The following SCNN1B variants were observed in gnomAD, a reference collection of about 807,000 sequenced individuals.
SCNN1B encodes the protein sodium channel epithelial 1 subunit beta.
A neutral mutation model predicts 65.3 loss-of-function variants in SCNN1B; 46 were observed. The ratio of observed to expected loss-of-function variants is 0.70; its 90% CI spans 0.56 to 0.90. The LOEUF is 0.90. SCNN1B is among the 40% of genes least tolerant of loss of function. The pLI, the probability that SCNN1B is intolerant of heterozygous loss-of-function variation, is 0.00. For missense variants in SCNN1B, 751 were observed against 830.5 expected (o/e 0.90, Z 1.18); for synonymous variants, 349 against 330.6 (o/e 1.06, Z -0.60).
intron 1 of SCNN1B, among the ~76,000 whole-genome samples, chr16:23,279,592 A>G (rs1220617677): frequency 2.0e-5 from 3 of 152,206 alleles, no homozygotes; most frequent in African/African-American, 4.8e-5. Context: ...AGTCCTCCGC[A>G]TATAGCTTAT....
At position 23,381,145 on chromosome 16, in the gene SCNN1B, G is replaced by C; in HGVS notation, c.*344G>C. Reference sequence around the variant, plus strand: ...GCCAGTCTCCATCCACCCCAGAGAGGAACAGGCGGGTGGGCCATGTGGTTT... The same window carrying C: ...GCCAGTCTCCATCCACCCCAGAGAGCAACAGGCGGGTGGGCCATGTGGTTT... On this transcript the variant is annotated 3_prime_UTR_variant, in exon 13 of 13. Coordinates refer to ENST00000343070, the MANE Select transcript of SCNN1B (RefSeq NM_000336.3). The C allele has an allele frequency of 2.7e-6, 1 of 370,758 alleles. No homozygotes were observed. The highest frequency in any genetic ancestry group is 2.9e-5 in the South Asian group (1 of 34,480). 23.0% of individuals were successfully genotyped at this position (370,758 alleles called of 1,614,324 possible).
chr16:23,319,095 C>T (rs1356144596), intron 1 of SCNN1B, among the ~76,000 whole-genome samples: 2 of 150,732 alleles, frequency 1.3e-5, no homozygotes, highest in Non-Finnish European at 2.9e-5. Context: ...GGCTGGAGTG[C>T]AGTGGCGCGA....
intron 8 of SCNN1B, among the ~76,000 whole-genome samples, chr16:23,376,721 C>T (rs1051021673): frequency 1.4e-5 from 2 of 142,580 alleles, no homozygotes; most frequent in Non-Finnish European, 3.0e-5. Flanking sequence ...ACCAGCCTGG[C>T]CAACATGGCA....
chr16:23,284,353 G>A (rs147460561), intron 2 of SCNN1B, among the ~76,000 whole-genome samples: 106 of 151,902 alleles, frequency 7.0e-4, no homozygotes, highest in African/African-American at 2.4e-3. Context: ...TGCAGTGAGC[G>A]GAGACAGTGC....
At chr16:23,315,302 A>G (rs1961430089) in intron 1 of SCNN1B, among the ~76,000 whole-genome samples, 1 of 151,678 alleles carries the variant, frequency 6.6e-6, no homozygotes, top group Admixed American at 6.6e-5. Context: ...GCACCATTGC[A>G]CTCCAGCCTG....
intron 10 of SCNN1B, among the ~76,000 whole-genome samples, 188 bp downstream of exon 10, chr16:23,377,574 C>CCCTTCCTTCATTCCTTCCCCCTT (rs149646061): frequency 8.0e-6 from 1 of 125,062 alleles, no homozygotes; most frequent in African/African-American, 3.0e-5. Flanking sequence ...CCTCTCTTTT[C>CCCTTCCTTCATTCCTTCCCCCTT]CCTTCCTCCC....
At chr16:23,365,461 GAGAA>G (rs966738757) in intron 4 of SCNN1B, among the ~76,000 whole-genome samples, 59 of 132,558 alleles carry the variant, frequency 4.5e-4, no homozygotes, top group African/African-American at 1.7e-3. Flanking sequence ...GAAGGAGAAA[GAGAA>G]AGAAAAGAGA....
At chr16:23,378,047 C>T (rs986315225) in intron 10 of SCNN1B, among the ~76,000 whole-genome samples, 10 of 152,110 alleles carry the variant, frequency 6.6e-5, no homozygotes, top group Admixed American at 1.3e-4. Context: ...CTTCCTCTGT[C>T]GCCCAGGCTG....
At chr16:23,344,409 T>G (rs1962142344) in intron 1 of SCNN1B, among the ~76,000 whole-genome samples, 1 of 152,252 alleles carries the variant, frequency 6.6e-6, no homozygotes, top group African/African-American at 2.4e-5. Flanking sequence ...CCTTTATATC[T>G]TCTACAACTA....
chr16:23,355,340 C>G lies in SCNN1B; in HGVS notation c.627C>G (p.Thr209=). The change falls in exon 4 of 13, where the codon ACC becomes ACG. Residue 209 remains threonine, a synonymous_variant. Coordinates refer to ENST00000343070, the MANE Select transcript of SCNN1B (RefSeq NM_000336.3). ...CCCAGTGTACCTTCCGGAACTTCAC[C>G]AGTGCTACCCAGGCATTGACAGAGT... ...NRTQCTFRNF[T]SATQALTEWY... is the part of the protein sequence containing the mutation. The G allele has an allele frequency of 6.2e-7, 1 of 1,614,190 alleles. No homozygotes were observed. The highest frequency in any genetic ancestry group is 1.1e-5 in the South Asian group (1 of 91,078).
At chr16:23,360,596 T>TG (rs1962530173) in intron 4 of SCNN1B, among the ~76,000 whole-genome samples, 1 of 146,656 alleles carries the variant, frequency 6.8e-6, no homozygotes, top group Non-Finnish European at 1.5e-5. Context: ...TGGTGGTTTT[T>TG]TTTTTTTTTT....
intron 1 of SCNN1B, among the ~76,000 whole-genome samples, chr16:23,305,558 A>AAACAT (rs1567290340): frequency 1.3e-4 from 5 of 39,590 alleles, no homozygotes; most frequent in African/African-American, 9.0e-4. Context: ...ATATATATAT[A>AAACAT]TATATATATA....
intron 1 of SCNN1B, among the ~76,000 whole-genome samples, chr16:23,321,852 G>A (rs1961595552): frequency 6.6e-6 from 1 of 152,076 alleles, no homozygotes; most frequent in South Asian, 2.1e-4. Flanking sequence ...GCAAAACCCT[G>A]CCTCTACAGA....
In SCNN1B at chr16:23,380,162, C is replaced by T. The variant is rs1435988002; in HGVS notation, c.1535C>T (p.Ala512Val). The T allele has an allele frequency of 6.2e-7, 1 of 1,613,618 alleles. No individual in the cohort carries two copies. Among genetic ancestry groups the T allele is most frequent in the Non-Finnish European group, 8.5e-7 (1 of 1,179,696 alleles). The change falls in exon 12 of 13, where the codon GCC (alanine) becomes GTC (valine). Residue 512 changes from alanine to valine, a missense_variant. Physicochemically the swap from Ala to Val is moderately conservative, Grantham distance 64 (BLOSUM62 0). Transcript: ENST00000343070. The surrounding 1 kb of genome is among the most constrained non-coding windows in gnomAD (Gnocchi z 5.4). ...FNYRTIEESA[A>V]NNIVWLLSNL... ...TATCGCACCATTGAAGAATCAGCAGCCAATAACGTGAGTTTAGGAGTCTCC... is the reference window on the plus strand; with the variant it reads ...TATCGCACCATTGAAGAATCAGCAGTCAATAACGTGAGTTTAGGAGTCTCC...
intron 1 of SCNN1B, among the ~76,000 whole-genome samples, chr16:23,344,870 T>G (rs1962152135): frequency 2.0e-5 from 3 of 152,180 alleles, no homozygotes; most frequent in South Asian, 2.1e-4. Context: ...GGCATGCGCC[T>G]GTAGTCCCAG....
At chr16:23,334,577 G>T (rs1219441186) in intron 1 of SCNN1B, among the ~76,000 whole-genome samples, 1 of 152,208 alleles carries the variant, frequency 6.6e-6, no homozygotes, top group African/African-American at 2.4e-5. Context: ...CCCTAGTCCT[G>T]CCTTAACCTG....
rs148948911 is a variant in SCNN1B at position 23,360,278 on chromosome 16, T to C, written c.776+4789T>C. Among the ~76,000 whole-genome samples, 1,163 of 151,032 alleles carry C rather than the reference T, an allele frequency of 7.7e-3. 11 individuals carry two copies. The highest frequency in any genetic ancestry group is 0.027 in the African/African-American group (1,099 of 41,238). ...CTTTTGGCCAGGTGCAGTGGCTCACTTAATCCCAGCACTTTGGGAGGCCAA... is the reference window on the plus strand; with the variant it reads ...CTTTTGGCCAGGTGCAGTGGCTCACCTAATCCCAGCACTTTGGGAGGCCAA... On this transcript the variant is annotated intron_variant, in intron 4 of 12. Transcript: ENST00000343070.
At chr16:23,293,752 C>T (rs755575277) in intron 2 of SCNN1B, among the ~76,000 whole-genome samples, 2 of 151,752 alleles carry the variant, frequency 1.3e-5, no homozygotes, top group Non-Finnish European at 2.9e-5. Flanking sequence ...CATAGGGAGA[C>T]CCCTTCTCTA....
At chr16:23,288,439 G>A (rs9888818) in intron 2 of SCNN1B, among the ~76,000 whole-genome samples, 36,462 of 152,004 alleles carry the variant, frequency 0.24, 4,649 homozygotes, top group Middle Eastern at 0.31. Flanking sequence ...GACAGTTTCT[G>A]CCAGTCAGGA....
Sources: allele counts gnomAD v4.1 joint callset (sites outside exome capture counted in the v4.1 genomes callset), GRCh38; gene constraint gnomAD v4.1.1; non-coding constraint Gnocchi (gnomAD v3.1); transcripts MANE v1.5; gene names NCBI Gene and HGNC (gene_info 2026-07-23, HGNC 2026-07-21).